Variants in NT5C1A observed in about 807,000 individuals in gnomAD.
The protein encoded by NT5C1A is 5'-nucleotidase, cytosolic IA, also known as cytosolic 5'-nucleotidase 1A.
In NT5C1A, 18 loss-of-function variants were observed where a neutral mutation model predicts 31.0. The ratio of observed to expected loss-of-function variants is 0.58; its 90% CI spans 0.40 to 0.86. NT5C1A has a LOEUF of 0.86. Ranked by LOEUF, NT5C1A falls within the 40% of genes least tolerant of loss-of-function variation. NT5C1A has a pLI of 0.00. For synonymous variants in NT5C1A, 185 were observed against 203.6 expected, an observed-to-expected ratio of 0.91 and a Z score of 0.78; for missense variants, 470 against 505.4, an observed-to-expected ratio of 0.93 and a Z score of 0.67.
chr1:39,670,995 A>C (rs1252779914), intron 1 of NT5C1A, among the ~76,000 whole-genome samples: 1 of 152,274 alleles, frequency 6.6e-6, no homozygotes, highest in South Asian at 2.1e-4. Context: ...GGAGGTGCTA[A>C]TTGAATGATT....
intron 3 of NT5C1A, 45 bp from the exon 4 acceptor site, chr1:39,663,479 G>A: frequency 6.2e-7 from 1 of 1,607,620 alleles, no homozygotes; most frequent in Non-Finnish European, 8.5e-7. Context: ...GGTCAACCCT[G>A]GGCTTCAGGG....
In NT5C1A at chr1:39,655,274, G is replaced by T. The variant is rs1396832795; in HGVS notation, c.*3847C>A. Among the ~76,000 whole-genome samples, 1 of 152,156 alleles carries T rather than the reference G, an allele frequency of 6.6e-6. No individual in the cohort carries two copies. Among genetic ancestry groups the T allele is most frequent in the Admixed American group, 6.5e-5 (1 of 15,276 alleles). ...GTTTCTTTACAAAAACAGGTGATGGGTCAGATTTGGCCCGTGGGCCCAGAG... is the reference window on the plus strand; with the variant it reads ...GTTTCTTTACAAAAACAGGTGATGGTTCAGATTTGGCCCGTGGGCCCAGAG... On this transcript the variant is annotated 3_prime_UTR_variant, in exon 6 of 6. Transcript: ENST00000235628.
intron 5 of NT5C1A, 55 bp from the exon 6 acceptor site, chr1:39,659,541 C>G (rs1030105475): frequency 6.6e-7 from 1 of 1,512,230 alleles, no homozygotes. Flanking sequence ...AATATTTGCC[C>G]CCTGCTCTCC....
intron 1 of NT5C1A, among the ~76,000 whole-genome samples, chr1:39,669,594 C>T (rs1646539955): frequency 6.6e-6 from 1 of 152,208 alleles, no homozygotes; most frequent in Non-Finnish European, 1.5e-5. Context: ...TGGGAAGCCT[C>T]CAGGCTTCTT....
Position 39,655,493 on chromosome 1 carries a change from A to G in NT5C1A, c.*3628T>C, listed in dbSNP as rs944896856. Among the ~76,000 whole-genome samples the G allele has an allele frequency of 6.6e-5, 10 of 152,248 alleles. No homozygotes were observed. Among genetic ancestry groups the G allele is most frequent in the Non-Finnish European group, 1.5e-4 (10 of 68,040 alleles). On this transcript the variant is annotated 3_prime_UTR_variant, in exon 6 of 6. Transcript: ENST00000235628. ...GCATTTCACCATGCAGGAAATCAAC[A>G]TATTAACTGTCAGGTAAGTAAACTC...
intron 2 of NT5C1A, 87 bp from the exon 3 acceptor site, chr1:39,665,737 G>A (rs2124159804): frequency 7.3e-7 from 1 of 1,378,580 alleles, no homozygotes; most frequent in Non-Finnish European, 1.0e-6. Context: ...GGGGAGGTGA[G>A]GAGCCATGCT....
intron 1 of NT5C1A, among the ~76,000 whole-genome samples, chr1:39,668,754 A>T (rs1646535552): frequency 6.6e-6 from 1 of 152,146 alleles, no homozygotes; most frequent in Non-Finnish European, 1.5e-5. Flanking sequence ...CGTGCCCACA[A>T]ACTGAGGTTT....
chr1:39,663,607 A>G (rs894426177), intron 3 of NT5C1A, among the ~76,000 whole-genome samples, 173 bp from the exon 4 acceptor site: 1 of 152,122 alleles, frequency 6.6e-6, no homozygotes, highest in Non-Finnish European at 1.5e-5. Context: ...CCTTCATGAA[A>G]TGAGGACGAT....
Position 39,651,599 on chromosome 1 carries a change from C to A in NT5C1A, c.*7522G>T, listed in dbSNP as rs566790695. Among the ~76,000 whole-genome samples the A allele has an allele frequency of 6.6e-6, 1 of 152,322 alleles. No individual in the cohort carries two copies. On this transcript the variant is annotated 3_prime_UTR_variant, in exon 6 of 6. Coordinates refer to ENST00000235628, the MANE Select transcript of NT5C1A (RefSeq NM_032526.3). ...ACTGAGGCAGCAAATGCTATCAAAG[C>A]AAAGGGCTTCTGACAGGTAGATACA...
In NT5C1A at chr1:39,657,340, A is replaced by G. The variant is rs1646469176; in HGVS notation, c.*1781T>C. On this transcript the variant is annotated 3_prime_UTR_variant, in exon 6 of 6. Transcript: ENST00000235628. ...TCTTACCCTGCCCCACACTGCACAG[A>G]ACCTGTGCCCTTTCAGACCCTGAGC... Among the ~76,000 whole-genome samples the G allele has an allele frequency of 6.6e-6, 1 of 152,214 alleles. No individual in the cohort carries two copies. The highest frequency in any genetic ancestry group is 1.5e-5 in the Non-Finnish European group (1 of 68,036).
chr1:39,663,218 T>C lies in NT5C1A; in HGVS notation c.556+94A>G. Reference sequence around the variant, plus strand: ...CTTGCCTTCTAGTTACCATGGCAACTCCCAGCACCTGCTCGGAACTTCAGG... The same window carrying C: ...CTTGCCTTCTAGTTACCATGGCAACCCCCAGCACCTGCTCGGAACTTCAGG... On this transcript the variant is annotated intron_variant, in intron 4 of 5. Coordinates refer to ENST00000235628, the MANE Select transcript of NT5C1A (RefSeq NM_032526.3). 4 of 1,454,128 alleles carry C rather than the reference T, an allele frequency of 2.8e-6. No homozygotes were observed. The South Asian group carries it at 4.8e-5, about 17-fold the overall frequency. The allele number at this position is 1,454,128 out of a possible 1,614,324, so 90.1% of individuals were successfully genotyped here. A position where few individuals can be genotyped will look rare whatever the true frequency, so the allele number is the denominator to read the frequency against.
rs140596345 is a variant in NT5C1A at position 39,667,871 on chromosome 1, T to G, written c.136-1635A>C. ...CTAATGAGACTGAGGAGCTGAATTT[T>G]AGATTTTACTTCATTTAAATGAACT... On this transcript the variant is annotated intron_variant, in intron 1 of 5. Coordinates refer to ENST00000235628, the MANE Select transcript of NT5C1A (RefSeq NM_032526.3). 5.3e-5 allele frequency among the ~76,000 whole-genome samples: 8 copies of G among 152,364 alleles called. No homozygotes were observed. The East Asian group carries it at 1.5e-3, about 29-fold the overall frequency.
chr1:39,667,345 G>A (rs1385252810), intron 1 of NT5C1A, among the ~76,000 whole-genome samples: 2 of 151,918 alleles, frequency 1.3e-5, no homozygotes, highest in East Asian at 3.9e-4. Flanking sequence ...GGGACTATAG[G>A]TACCCGCCAC....
Position 39,657,777 on chromosome 1 carries a change from G to A in NT5C1A, c.*1344C>T, listed in dbSNP as rs1312226094. 6.6e-6 allele frequency among the ~76,000 whole-genome samples: 1 copy of A among 152,252 alleles called. No homozygotes were observed. The highest frequency in any genetic ancestry group is 1.5e-5 in the Non-Finnish European group (1 of 68,048). ...CCCTTGCTCAGCATCCACTGATGGA[G>A]AGCTCATTACCTCCAAAGGCAGCTC... is the stretch of plus-strand genomic sequence containing the variant. On this transcript the variant is annotated 3_prime_UTR_variant, in exon 6 of 6. Coordinates refer to ENST00000235628, the MANE Select transcript of NT5C1A (RefSeq NM_032526.3).
intron 3 of NT5C1A, among the ~76,000 whole-genome samples, chr1:39,664,495 TC>T (rs1646510134): frequency 3.2e-5 from 1 of 30,972 alleles, no homozygotes. Flanking sequence ...TTTCTCCTCC[TC>T]TCCTCTCCTC....
At position 39,659,328 on chromosome 1, in the gene NT5C1A, G is replaced by A. The variant is rs752367044; in HGVS notation, c.900C>T (p.Gly300=). The A allele has an allele frequency of 5.0e-6, 8 of 1,613,844 alleles. No individual in the cohort carries two copies. Among genetic ancestry groups the A allele is most frequent in the South Asian group, 2.2e-5 (2 of 91,090 alleles). The change falls in exon 6 of 6, where the codon GGC becomes GGT. Residue 300 remains glycine, a synonymous_variant. Transcript: ENST00000235628. Reference sequence around the variant, plus strand: ...GGAACAAGGCTTCATCTGTCTCCAGGCCCCAGCTGCGCAGGGTCTTGAGAG... The same window carrying A: ...GGAACAAGGCTTCATCTGTCTCCAGACCCCAGCTGCGCAGGGTCTTGAGAG... ...ARALKTLRSW[G]LETDEALFLA...
At chr1:39,666,794 T>G (rs930554558) in intron 1 of NT5C1A, among the ~76,000 whole-genome samples, 1 of 152,132 alleles carries the variant, frequency 6.6e-6, no homozygotes, top group African/African-American at 2.4e-5. Flanking sequence ...CCAAACCTGA[T>G]CCCTTCTCCC....
intron 5 of NT5C1A, among the ~76,000 whole-genome samples, chr1:39,659,912 T>C (rs997187996): frequency 6.6e-5 from 10 of 152,198 alleles, no homozygotes; most frequent in Non-Finnish European, 1.3e-4. Context: ...TGTGTAAGTG[T>C]TGAGTATCAA....
In NT5C1A at chr1:39,655,162, G is replaced by A. The variant is rs903404541; in HGVS notation, c.*3959C>T. Among the ~76,000 whole-genome samples, 2 of 152,100 alleles carry A rather than the reference G, an allele frequency of 1.3e-5. No homozygotes were observed. The highest frequency in any genetic ancestry group is 2.9e-5 in the Non-Finnish European group (2 of 68,022). Reference sequence around the variant, plus strand: ...TCATCATGTTGGGCAGGATGGTCTCGATCTCCTGACCTTGTGATCCACCCG... The same window carrying A: ...TCATCATGTTGGGCAGGATGGTCTCAATCTCCTGACCTTGTGATCCACCCG... On this transcript the variant is annotated 3_prime_UTR_variant, in exon 6 of 6. Transcript: ENST00000235628.
Sources: allele counts gnomAD v4.1 joint callset (sites outside exome capture counted in the v4.1 genomes callset), GRCh38; gene constraint gnomAD v4.1.1; transcripts MANE v1.5; gene names NCBI Gene and HGNC (gene_info 2026-07-23, HGNC 2026-07-21).